AKAP19: variants seen among roughly 807,000 people sequenced by gnomAD.
AKAP19 encodes small A-kinase anchoring protein.
chr2:190,096,278 TTAGTTC>T, the AKAP19 span, among the ~76,000 whole-genome samples: 1 of 152,156 alleles, frequency 6.6e-6, no homozygotes, highest in Non-Finnish European at 1.5e-5. Context: ...ACTTGAGAAT[TTAGTTC>T]AGGCTAGCCA....
chr2:189,994,197 A>T, the AKAP19 span, among the ~76,000 whole-genome samples: 2 of 151,858 alleles, frequency 1.3e-5, no homozygotes, highest in Admixed American at 1.3e-4. Flanking sequence ...TTTTTAGTAG[A>T]GACAGGGTTT....
chr2:190,015,443 C>T, the AKAP19 span, among the ~76,000 whole-genome samples: 1 of 152,200 alleles, frequency 6.6e-6, no homozygotes, highest in Non-Finnish European at 1.5e-5. Context: ...AGTCCCGAGG[C>T]TGCACAGAGC....
the AKAP19 span, among the ~76,000 whole-genome samples, chr2:190,116,898 C>A: frequency 2.0e-5 from 3 of 152,206 alleles, no homozygotes; most frequent in Non-Finnish European, 2.9e-5. Flanking sequence ...AATTAAAAAA[C>A]TAGCTTACTA....
the AKAP19 span, among the ~76,000 whole-genome samples, chr2:190,140,448 C>A: frequency 1.3e-5 from 2 of 152,214 alleles, no homozygotes; most frequent in Non-Finnish European, 2.9e-5. Flanking sequence ...CAGCACACTA[C>A]TGCTTGGACA....
chr2:190,080,334 G>A, the AKAP19 span, among the ~76,000 whole-genome samples: 1 of 152,178 alleles, frequency 6.6e-6, no homozygotes, highest in Non-Finnish European at 1.5e-5. Flanking sequence ...TTCCAGTGGG[G>A]GAGACAGACT....
chr2:190,016,198 T>C, the AKAP19 span, among the ~76,000 whole-genome samples: 1 of 152,226 alleles, frequency 6.6e-6, no homozygotes, highest in Non-Finnish European at 1.5e-5. Flanking sequence ...ATTAGTTCAT[T>C]TTCACACTGT....
chr2:190,059,763 CA>C, the AKAP19 span, among the ~76,000 whole-genome samples: 1 of 151,856 alleles, frequency 6.6e-6, no homozygotes, highest in Non-Finnish European at 1.5e-5. Flanking sequence ...AGTCATGTAT[CA>C]TATTAATGAA....
chr2:190,200,141 G>A, the AKAP19 span: 4 of 1,613,110 alleles, frequency 2.5e-6, no homozygotes, highest in East Asian at 4.5e-5. Context: ...GAGAGTGAGG[G>A]GCCTTGAGGC....
chr2:189,885,180 T>G, the AKAP19 span, among the ~76,000 whole-genome samples: 1 of 152,212 alleles, frequency 6.6e-6, no homozygotes, highest in Non-Finnish European at 1.5e-5. Flanking sequence ...GAATCTGAGC[T>G]AGTTTATGAT....
the AKAP19 span, among the ~76,000 whole-genome samples, chr2:190,184,209 T>C: frequency 1.1e-4 from 16 of 152,262 alleles, no homozygotes; most frequent in African/African-American, 3.8e-4. Flanking sequence ...TAACATAAAT[T>C]AGTGAAGCTG....
the AKAP19 span, among the ~76,000 whole-genome samples, chr2:189,961,424 G>T: frequency 2.6e-5 from 4 of 152,006 alleles, no homozygotes; most frequent in South Asian, 2.1e-4. Context: ...CTTCAAATAA[G>T]ACTGCCTTTA....
chr2:189,943,307 A>G, the AKAP19 span, among the ~76,000 whole-genome samples: 1 of 152,238 alleles, frequency 6.6e-6, no homozygotes, highest in Non-Finnish European at 1.5e-5. Flanking sequence ...CCCCTGGTAC[A>G]GCTCAGGGTG....
the AKAP19 span, among the ~76,000 whole-genome samples, chr2:190,099,259 GA>G: frequency 6.6e-6 from 1 of 152,170 alleles, no homozygotes; most frequent in Non-Finnish European, 1.5e-5. Flanking sequence ...TCTAGCTTTT[GA>G]TTTAAAGTGA....
chr2:190,180,883 G>A, the AKAP19 span: 1 of 985,264 alleles, frequency 1.0e-6, no homozygotes, highest in East Asian at 1.1e-4. This position sits in a 1 kb window ranked among gnomAD's most constrained non-coding sequence, Gnocchi z 6.8. Context: ...ACTTGGCTGA[G>A]CCGGGCGCCG....
chr2:190,126,419 C>A, the AKAP19 span, among the ~76,000 whole-genome samples: 4 of 145,538 alleles, frequency 2.7e-5, no homozygotes, highest in African/African-American at 1.0e-4. Context: ...AGCATAGTTA[C>A]CTGAAAGTAT....
chr2:190,117,695 T>C, the AKAP19 span, among the ~76,000 whole-genome samples: 2,293 of 152,352 alleles, frequency 0.015, 40 homozygotes, highest in Non-Finnish European at 0.021. Flanking sequence ...TTCTTTTAGA[T>C]AGCAATAAAC....
At chr2:189,932,045 A>G in the AKAP19 span, among the ~76,000 whole-genome samples, 7 of 152,254 alleles carry the variant, frequency 4.6e-5, no homozygotes, top group Admixed American at 4.6e-4. Context: ...ACTTTGGTCC[A>G]GAATCCCTCA....
the AKAP19 span, among the ~76,000 whole-genome samples, chr2:190,005,643 C>A: frequency 1.3e-5 from 2 of 152,152 alleles, no homozygotes; most frequent in Admixed American, 6.5e-5. Flanking sequence ...AGATGGATTC[C>A]CAGTGGCATG....
the AKAP19 span, among the ~76,000 whole-genome samples, chr2:189,927,778 C>T: frequency 6.6e-6 from 1 of 152,156 alleles, no homozygotes; most frequent in African/African-American, 2.4e-5. Context: ...CTGTGCTGTT[C>T]AGTCTGGTGG....
Sources: gnomAD v4.1 joint callset for allele counts (sites outside exome capture counted in the v4.1 genomes callset) on GRCh38, gnomAD v4.1.1 for gene constraint, Gnocchi (gnomAD v3.1) non-coding constraint, MANE v1.5 for transcripts, NCBI Gene and HGNC (gene_info 2026-07-23, HGNC 2026-07-21) for gene names.